Variants in TAFA2 observed in about 807,000 individuals in gnomAD.
TAFA2 encodes the protein TAFA chemokine like family member 2.
Under a neutral mutation model 18.8 loss-of-function variants are expected in TAFA2, and 7 were observed. That is an observed-to-expected ratio of 0.37 (90% CI 0.21 to 0.70). The LOEUF is 0.70. Among genes scored for constraint, TAFA2 ranks in the 30% least tolerant of loss-of-function variants. The probability of loss-of-function intolerance (pLI) is 0.53; values close to 1 mark genes in which losing one functional copy is unlikely to be tolerated. For missense variants in TAFA2, 122 were observed against 158.1 expected, an observed-to-expected ratio of 0.77 and a Z score of 1.23; for synonymous variants, 60 against 54.2, an observed-to-expected ratio of 1.11 and a Z score of -0.47.
rs149755781 is a variant in TAFA2 at position 61,972,066 on chromosome 12, T to A, written c.-1-104640A>T. ...GATTTTTGATTTTGTGGGGTTTTTG[T>A]TTGTTTGTTTGTTTTTAACTTTTGT... On this transcript the variant is annotated intron_variant, in intron 1 of 4. Transcript: ENST00000416284. Among the ~76,000 whole-genome samples the A allele has an allele frequency of 8.6e-5, 13 of 151,664 alleles. No homozygotes were observed. The East Asian group carries it at 2.3e-3, about 27-fold the overall frequency.
chr12:61,780,125 G>A (rs1438635788), intron 2 of TAFA2, among the ~76,000 whole-genome samples: 2 of 146,362 alleles, frequency 1.4e-5, no homozygotes, highest in African/African-American at 2.5e-5. Flanking sequence ...CCAAGTCACA[G>A]GACATATGGA....
At chr12:61,750,567 T>C (rs1174035181) in intron 4 of TAFA2, among the ~76,000 whole-genome samples, 2 of 152,086 alleles carry the variant, frequency 1.3e-5, no homozygotes, top group East Asian at 1.9e-4. Flanking sequence ...TTGTAGTAAG[T>C]ACAATATAGG....
intron 1 of TAFA2, among the ~76,000 whole-genome samples, chr12:62,106,887 C>T (rs115578785): frequency 5.9e-5 from 9 of 151,868 alleles, no homozygotes; most frequent in Non-Finnish European, 1.2e-4. Context: ...ATCACCGTAC[C>T]TTTTTTTTAT....
At chr12:61,865,647 G>C (rs1175943372) in intron 2 of TAFA2, among the ~76,000 whole-genome samples, 1 of 152,168 alleles carries the variant, frequency 6.6e-6, no homozygotes, top group Non-Finnish European at 1.5e-5. Flanking sequence ...AGTTAGCATA[G>C]AACATAACAC....
chr12:62,132,696 C>G (rs570893836), intron 1 of TAFA2, among the ~76,000 whole-genome samples: 1 of 151,882 alleles, frequency 6.6e-6, no homozygotes, highest in African/African-American at 2.4e-5. Context: ...AAGTGAGACA[C>G]CTAAAAAACA....
intron 4 of TAFA2, among the ~76,000 whole-genome samples, chr12:61,711,159 G>GAATAATAA (rs1265308516): frequency 6.6e-6 from 1 of 151,498 alleles, no homozygotes; most frequent in Non-Finnish European, 1.5e-5. Flanking sequence ...CAGGAAAAAA[G>GAATAATAA]AATAATAAAC....
At chr12:62,048,089 G>A (rs990840539) in intron 1 of TAFA2, among the ~76,000 whole-genome samples, 1 of 152,184 alleles carries the variant, frequency 6.6e-6, no homozygotes, top group Non-Finnish European at 1.5e-5. Flanking sequence ...TATCTGAGTT[G>A]AATAGTTTTG....
intron 1 of TAFA2, among the ~76,000 whole-genome samples, chr12:62,045,334 AT>A (rs1881881356): frequency 1.3e-5 from 2 of 152,196 alleles, no homozygotes; most frequent in South Asian, 4.1e-4. Context: ...TGTATTAGTT[AT>A]TCATTAAATA....
intron 1 of TAFA2, among the ~76,000 whole-genome samples, chr12:61,961,573 AT>A (rs1315879918): frequency 6.6e-6 from 1 of 151,958 alleles, no homozygotes; most frequent in East Asian, 1.9e-4. Context: ...TTCTCCCCTT[AT>A]TTTAAGATTA....
chr12:62,072,383 G>A (rs551553425), intron 1 of TAFA2, among the ~76,000 whole-genome samples: 1 of 151,996 alleles, frequency 6.6e-6, no homozygotes, highest in South Asian at 2.1e-4. Context: ...GCAGGAGAAT[G>A]GCGTGAACCC....
At position 61,967,076 on chromosome 12, in the gene TAFA2, G is replaced by T. The variant is rs1162173013; in HGVS notation, c.-1-99650C>A. 5.9e-5 allele frequency among the ~76,000 whole-genome samples: 9 copies of T among 151,868 alleles called. No homozygotes were observed. In the East Asian group the frequency reaches 1.6e-3, roughly 26 times the overall value. The stretch of plus-strand genomic sequence containing the variant: ...AATTGCTCTAAATTAAAGGTAAGAA[G>T]TGATGAGAGACTATATTACAGGGGG... On this transcript the variant is annotated intron_variant, in intron 1 of 4. Transcript: ENST00000416284.
intron 4 of TAFA2, among the ~76,000 whole-genome samples, chr12:61,744,700 G>A (rs903029971): frequency 6.6e-6 from 1 of 151,982 alleles, no homozygotes; most frequent in Non-Finnish European, 1.5e-5. Context: ...GGGTACAGGT[G>A]AATGCCACCA....
Position 61,738,483 on chromosome 12 carries a change from G to T in TAFA2, c.384+15139C>A, listed in dbSNP as rs76443593. ...TGAATAAATGTCAATAATTGTGATTGTCAGAAAAAGAAGAATTGTCTCCTT... is the reference window on the plus strand; with the variant it reads ...TGAATAAATGTCAATAATTGTGATTTTCAGAAAAAGAAGAATTGTCTCCTT... On this transcript the variant is annotated intron_variant, in intron 4 of 4. Transcript: ENST00000416284. Among the ~76,000 whole-genome samples, 34 of 152,136 alleles carry T rather than the reference G, an allele frequency of 2.2e-4. No individual in the cohort carries two copies. The East Asian group carries it at 6.2e-3, about 28-fold the overall frequency.
intron 1 of TAFA2, among the ~76,000 whole-genome samples, chr12:62,154,985 G>A (rs189370657): frequency 3.3e-5 from 5 of 152,194 alleles, no homozygotes; most frequent in East Asian, 1.9e-4. Context: ...GCATCCAATC[G>A]GTAAAGAGGA....
At chr12:61,733,790 C>CT (rs2120666704) in intron 4 of TAFA2, among the ~76,000 whole-genome samples, 1 of 151,304 alleles carries the variant, frequency 6.6e-6, no homozygotes, top group East Asian at 1.9e-4. Flanking sequence ...TTTAAAGTAG[C>CT]TTTTTCCAAT....
intron 1 of TAFA2, among the ~76,000 whole-genome samples, chr12:61,930,023 G>A (rs924734927): frequency 6.9e-6 from 1 of 145,546 alleles, no homozygotes; most frequent in African/African-American, 2.8e-5. Flanking sequence ...GGGTAGGGGG[G>A]AGGGATAGCA....
chr12:61,859,764 T>A (rs190988017), intron 2 of TAFA2, among the ~76,000 whole-genome samples: 4 of 152,264 alleles, frequency 2.6e-5, no homozygotes, highest in Admixed American at 2.0e-4. Flanking sequence ...TACTCTATTG[T>A]TCAAAAATAA....
At chr12:62,003,336 C>G (rs1880441814) in intron 1 of TAFA2, among the ~76,000 whole-genome samples, 1 of 152,138 alleles carries the variant, frequency 6.6e-6, no homozygotes, top group South Asian at 2.1e-4. Context: ...CCCTCCTATT[C>G]TCATCTGCTA....
chr12:61,862,749 A>AT (rs949004815), intron 2 of TAFA2, among the ~76,000 whole-genome samples: 1 of 152,146 alleles, frequency 6.6e-6, no homozygotes, highest in African/African-American at 2.4e-5. Context: ...TGCCTGGAGC[A>AT]TCCTTTCCCT....
Sources: gnomAD v4.1 joint callset for allele counts (sites outside exome capture counted in the v4.1 genomes callset) on GRCh38, gnomAD v4.1.1 for gene constraint, MANE v1.5 for transcripts, NCBI Gene and HGNC (gene_info 2026-07-23, HGNC 2026-07-21) for gene names.